Variants in PML observed in about 807,000 individuals in gnomAD.
PML encodes protein PML.
A neutral mutation model predicts 65.2 loss-of-function variants in PML; 28 were observed. The observed-to-expected ratio is 0.43, with a 90% CI of 0.32 to 0.59. The LOEUF is 0.59. Ranked by LOEUF, PML falls within the 20% of genes least tolerant of loss-of-function variation. The pLI, the probability that PML is intolerant of heterozygous loss-of-function variation, is 0.08. For missense variants in PML, 1,021 were observed against 1,203.4 expected, an observed-to-expected ratio of 0.85 and a Z score of 2.24; for synonymous variants, 500 against 508.8, an observed-to-expected ratio of 0.98 and a Z score of 0.23.
Position 74,034,627 on chromosome 15 carries a change from C to T in PML, c.1710+97C>T, listed in dbSNP as rs137870675. ...GCAGGTGACTCTCAGACTTGCCTTGCGCCTGGGGAATTTTCCAGTGAGGCA... is the reference window on the plus strand; with the variant it reads ...GCAGGTGACTCTCAGACTTGCCTTGTGCCTGGGGAATTTTCCAGTGAGGCA... On this transcript the variant is annotated intron_variant, in intron 7 of 8. Transcript: ENST00000268058. 3.0e-4 allele frequency: 480 copies of T among 1,612,924 alleles called. No individual in the cohort carries two copies. In the African/African-American group the frequency reaches 4.8e-3, roughly 16 times the overall value.
chr15:74,032,962 G>C (rs1423686913), intron 5 of PML, among the ~76,000 whole-genome samples, 194 bp from the exon 6 acceptor site: 1 of 152,272 alleles, frequency 6.6e-6, no homozygotes, highest in Non-Finnish European at 1.5e-5. Flanking sequence ...GGCCAGCAGA[G>C]ACTGGTGGAC....
chr15:74,038,192 A>T (rs1037042853), intron 7 of PML, among the ~76,000 whole-genome samples: 1 of 152,222 alleles, frequency 6.6e-6, no homozygotes, highest in Non-Finnish European at 1.5e-5. Flanking sequence ...GGGTAGAGGC[A>T]GAAGCCTGGG....
chr15:74,012,602 G>A (rs2070384751), intron 2 of PML, among the ~76,000 whole-genome samples: 1 of 152,232 alleles, frequency 6.6e-6, no homozygotes, highest in African/African-American at 2.4e-5. Flanking sequence ...AAGCCACCAT[G>A]CCCAGCCCCA....
chr15:74,015,585 C>A (rs960580523), intron 2 of PML, among the ~76,000 whole-genome samples: 15 of 152,230 alleles, frequency 9.9e-5, no homozygotes, highest in African/African-American at 3.4e-4. Flanking sequence ...CTGGCCCAAC[C>A]AACAGGTGCG....
Position 74,024,821 on chromosome 15 carries a change from C to T in PML, c.1184-36C>T, listed in dbSNP as rs779226885. Reference sequence around the variant, plus strand: ...GTCAGGATGTCCCTTACCAGCATGTCCTTGACCTGCCTGTGACCTTCTTTG... The same window carrying T: ...GTCAGGATGTCCCTTACCAGCATGTTCTTGACCTGCCTGTGACCTTCTTTG... On this transcript the variant is annotated intron_variant, in intron 3 of 8. Coordinates refer to ENST00000268058, the MANE Select transcript of PML (RefSeq NM_033238.3). 5 of 1,524,900 alleles carry T rather than the reference C, an allele frequency of 3.3e-6. 1 individual carries two copies. In the South Asian group the frequency reaches 4.5e-5, roughly 14 times the overall value. The allele number at this position is 1,524,900 out of a possible 1,614,324, so 94.5% of individuals were successfully genotyped here.
At chr15:74,034,364 G>T (rs973769661) in intron 6 of PML, 114 bp from the exon 7 acceptor site, 4 of 1,349,310 alleles carry the variant, frequency 3.0e-6, no homozygotes, top group African/African-American at 1.4e-5. Context: ...CCCCTGCAGG[G>T]CATCCGTTTC....
Position 74,045,013 on chromosome 15 carries a change from A to C in PML, c.*5A>C, listed in dbSNP as rs779991632. On this transcript the variant is annotated 3_prime_UTR_variant, in exon 9 of 9. Coordinates refer to ENST00000268058, the MANE Select transcript of PML (RefSeq NM_033238.3). ...AGGGCCTCCCAGCAGAGCTGAGAGGAGGGGGTGACCAGCTTGGAGTCTCTG... is the reference window on the plus strand; with the variant it reads ...AGGGCCTCCCAGCAGAGCTGAGAGGCGGGGGTGACCAGCTTGGAGTCTCTG... The C allele has an allele frequency of 2.1e-5, 34 of 1,593,160 alleles. No homozygotes were observed. Among genetic ancestry groups the C allele is most frequent in the Non-Finnish European group, 1.7e-6 (2 of 1,173,392 alleles).
chr15:74,040,906 G>A (rs183899215), intron 7 of PML, among the ~76,000 whole-genome samples: 226 of 152,292 alleles, frequency 1.5e-3, no homozygotes, highest in African/African-American at 5.3e-3. Flanking sequence ...CCGGGACAAT[G>A]GAAGGCTCTA....
At chr15:74,014,292 C>T (rs2119176) in intron 2 of PML, among the ~76,000 whole-genome samples, 270 of 152,262 alleles carry the variant, frequency 1.8e-3, no homozygotes, top group African/African-American at 6.3e-3. Context: ...ATCATCTTTA[C>T]ACCCTTGCCG....
intron 7 of PML, among the ~76,000 whole-genome samples, chr15:74,038,881 G>A (rs576197283): frequency 1.4e-4 from 22 of 152,342 alleles, no homozygotes; most frequent in African/African-American, 4.8e-4. Context: ...AAGAAGGAGC[G>A]AGAGGCAGCA....
rs55851895 is a variant in PML at position 74,047,654 on chromosome 15, C to T, written c.*2646C>T. On this transcript the variant is annotated 3_prime_UTR_variant, in exon 9 of 9. Coordinates refer to ENST00000268058, the MANE Select transcript of PML (RefSeq NM_033238.3). ...TGCACCTCTGGCAAATGGGAGAATG[C>T]GGCTCCTTTTGACTTCAAGGGATCT... The T allele has an allele frequency of 7.6e-3, 1,562 of 204,946 alleles. 27 individuals are homozygous for T. The highest frequency in any genetic ancestry group is 0.033 in the African/African-American group (1,454 of 43,908). The allele number at this position is 204,946 out of a possible 1,614,324, so 12.7% of individuals were successfully genotyped here.
intron 7 of PML, chr15:74,034,985 A>G: frequency 2.7e-6 from 4 of 1,500,790 alleles, no homozygotes; most frequent in East Asian, 2.4e-5. Flanking sequence ...AGAAAGATAT[A>G]TAAATCCATT....
intron 4 of PML, chr15:74,026,912 A>G (rs2071104219): frequency 2.0e-5 from 3 of 151,766 alleles, no homozygotes; most frequent in Admixed American, 2.0e-4. Context: ...TCAGCCTCCC[A>G]AAAGTGCTGG....
rs543800084 is a variant in PML, at chr15:74,045,819, T to C, written c.*811T>C. On this transcript the variant is annotated 3_prime_UTR_variant, in exon 9 of 9. Coordinates refer to ENST00000268058, the MANE Select transcript of PML (RefSeq NM_033238.3). ...AGCATGTAGTCCAGGACCTGCGGCA[T>C]CAGCATCCCCTGGGAGCTTCTTAGA... 160 of 232,372 alleles carry C rather than the reference T, an allele frequency of 6.9e-4. No individual in the cohort carries two copies. In the Middle Eastern group the frequency reaches 7.7e-3, roughly 11 times the overall value. 14.4% of individuals were successfully genotyped at this position (232,372 alleles called of 1,614,324 possible). A position where few individuals can be genotyped will look rare whatever the true frequency, so the allele number is the denominator to read the frequency against.
At chr15:74,033,046 AG>A in intron 5 of PML, 109 bp from the exon 6 acceptor site, 1 of 1,147,272 alleles carries the variant, frequency 8.7e-7, no homozygotes, top group Non-Finnish European at 1.3e-6. Context: ...AGCAGAGGAG[AG>A]GGGACAGCAG....
chr15:73,998,627 T>C (rs2069617523), intron 2 of PML, 151 bp downstream of exon 2: 2 of 681,496 alleles, frequency 2.9e-6, no homozygotes, highest in Non-Finnish European at 5.0e-6. Context: ...AGTGTCCGTG[T>C]TGATGACCAC....
intron 3 of PML, among the ~76,000 whole-genome samples, chr15:74,023,731 G>A (rs1481321833): frequency 1.3e-5 from 2 of 152,208 alleles, no homozygotes; most frequent in Non-Finnish European, 2.9e-5. Context: ...TGGCGCCAGA[G>A]GGACCAAGCA....
At position 74,045,915 on chromosome 15, in the gene PML, GT is replaced by G. The variant is rs2071766021; in HGVS notation, c.*911del. On this transcript the variant is annotated 3_prime_UTR_variant, in exon 9 of 9. Transcript: ENST00000268058. ...TTCAGGGTGGGGCCCAGCAGTCTGT[GT>G]TTTAACAGGTTCTCCCGGTGATGCT... 4.3e-6 allele frequency: 1 copy of G among 232,268 alleles called. No homozygotes were observed. The highest frequency in any genetic ancestry group is 2.2e-5 in the African/African-American group (1 of 45,282). The allele number at this position is 232,268 out of a possible 1,614,324, so 14.4% of individuals were successfully genotyped here.
At chr15:74,030,236 C>A (rs978108270) in intron 4 of PML, among the ~76,000 whole-genome samples, 1 of 152,162 alleles carries the variant, frequency 6.6e-6, no homozygotes, top group Non-Finnish European at 1.5e-5. Context: ...TTTCAATAAT[C>A]GGTCCAGTGG....
Sources: allele counts gnomAD v4.1 joint callset (sites outside exome capture counted in the v4.1 genomes callset), GRCh38; gene constraint gnomAD v4.1.1; transcripts MANE v1.5; gene names NCBI Gene and HGNC (gene_info 2026-07-23, HGNC 2026-07-21).